ELOVL6: variants seen among roughly 807,000 people sequenced by gnomAD.
ELOVL6 encodes the protein very long chain fatty acid elongase 6.
In ELOVL6, 8 loss-of-function variants were observed where a neutral mutation model predicts 31.7. The observed-to-expected ratio is 0.25, with a 90% CI of 0.15 to 0.45. The LOEUF (loss-of-function observed/expected upper bound fraction) is 0.45, where lower values mean the gene tolerates loss of function less well. Ranked by LOEUF, ELOVL6 falls within the 20% of genes least tolerant of loss-of-function variation. The pLI is 1.00. For synonymous variants in ELOVL6, 101 were observed against 117.7 expected (o/e 0.86, Z 0.92); for missense variants, 126 against 326.4 (o/e 0.39, Z 4.73).
At chr4:110,104,973 A>G (rs549705974) in intron 2 of ELOVL6, among the ~76,000 whole-genome samples, 7 of 152,332 alleles carry the variant, frequency 4.6e-5, no homozygotes, top group African/African-American at 1.7e-4. Context: ...CATGTCTGCA[A>G]GTCAGTTCGG....
chr4:110,058,769 T>C (rs937126451), intron 3 of ELOVL6, among the ~76,000 whole-genome samples: 2 of 152,140 alleles, frequency 1.3e-5, no homozygotes, highest in African/African-American at 4.8e-5. Context: ...TAATTCTTAA[T>C]TGCAGGTGAA....
In ELOVL6 at chr4:110,188,433, G is replaced by T. The variant is rs1466675770; in HGVS notation, c.89+9814C>A. ...AATAAGAGGATGATTGGGGCCTTGT[G>T]ACACACCCCTCATCATCACACCAGC... On this transcript the variant is annotated intron_variant, in intron 1 of 3. Transcript: ENST00000302274. Among the ~76,000 whole-genome samples, 6 of 151,970 alleles carry T rather than the reference G, an allele frequency of 3.9e-5. No individual in the cohort carries two copies. The East Asian group carries it at 1.2e-3, about 29-fold the overall frequency.
At position 110,084,238 on chromosome 4, in the gene ELOVL6, T is replaced by TATAAC. The variant is rs1412482333; in HGVS notation, c.221+21258_221+21259insGTTAT. Among the ~76,000 whole-genome samples, 4 of 114,192 alleles carry TATAAC rather than the reference T, an allele frequency of 3.5e-5. No individual in the cohort carries two copies. The Admixed American group carries it at 4.1e-4, about 12-fold the overall frequency. The allele number at this position is 114,192 out of a possible 152,430, so 74.9% of individuals were successfully genotyped here. On this transcript the variant is annotated intron_variant, in intron 2 of 3. Coordinates refer to ENST00000302274, the MANE Select transcript of ELOVL6 (RefSeq NM_024090.3). Reference sequence around the variant, plus strand: ...TATAACTTATATGATATATATAACATATATGATATATATAACATATAGCTT... The same window carrying TATAAC: ...TATAACTTATATGATATATATAACATATAACATATGATATATATAACATATAGCTT...
intron 1 of ELOVL6, among the ~76,000 whole-genome samples, chr4:110,159,987 T>A (rs1015558874): frequency 6.6e-6 from 1 of 152,208 alleles, no homozygotes; most frequent in Non-Finnish European, 1.5e-5. Flanking sequence ...ATATTTTTCT[T>A]ATGGATTGGT....
intron 1 of ELOVL6, among the ~76,000 whole-genome samples, chr4:110,163,509 C>A (rs1211155205): frequency 6.6e-6 from 1 of 152,196 alleles, no homozygotes; most frequent in Non-Finnish European, 1.5e-5. Context: ...AATAAATATT[C>A]ATCAAACTGA....
chr4:110,091,865 G>A (rs1053582938), intron 2 of ELOVL6, among the ~76,000 whole-genome samples: 1 of 152,196 alleles, frequency 6.6e-6, no homozygotes, highest in African/African-American at 2.4e-5. Flanking sequence ...AAGGAATGAA[G>A]TATTATGCCC....
At chr4:110,133,279 T>G (rs1757721546) in intron 1 of ELOVL6, among the ~76,000 whole-genome samples, 1 of 152,142 alleles carries the variant, frequency 6.6e-6, no homozygotes, top group Non-Finnish European at 1.5e-5. Context: ...AATCAGGGCC[T>G]AATGAGTCTG....
intron 2 of ELOVL6, among the ~76,000 whole-genome samples, chr4:110,090,983 A>G (rs926378403): frequency 3.3e-5 from 5 of 152,228 alleles, no homozygotes; most frequent in African/African-American, 1.2e-4. Flanking sequence ...CATAGGAAGA[A>G]ATACAGAAGG....
intron 2 of ELOVL6, among the ~76,000 whole-genome samples, chr4:110,084,562 A>ATATATATATT (rs1432489981): frequency 2.3e-5 from 1 of 44,272 alleles, no homozygotes; most frequent in Non-Finnish European, 3.5e-5. Context: ...ACACACACAC[A>ATATATATATT]GATATATATA....
rs184316246 is a variant in ELOVL6, at chr4:110,073,689, C to T, written c.222-13935G>A. 3.3e-5 allele frequency among the ~76,000 whole-genome samples: 5 copies of T among 152,230 alleles called. No homozygotes were observed. In the East Asian group the frequency reaches 7.8e-4, roughly 24 times the overall value. On this transcript the variant is annotated intron_variant, in intron 2 of 3. Transcript: ENST00000302274. ...TAAGCATTGAGGAACAAGGAAAATT[C>T]CTTCCACCGCTGCCCCTGACCTCAC...
intron 1 of ELOVL6, among the ~76,000 whole-genome samples, chr4:110,127,421 A>G (rs1044430007): frequency 6.8e-6 from 1 of 147,034 alleles, no homozygotes; most frequent in Non-Finnish European, 1.5e-5. Context: ...AAAAAAAAAA[A>G]AAAAGAAAAG....
intron 1 of ELOVL6, among the ~76,000 whole-genome samples, chr4:110,126,827 G>T (rs906587953): frequency 6.6e-6 from 1 of 152,100 alleles, no homozygotes; most frequent in African/African-American, 2.4e-5. Context: ...TTATCATGAT[G>T]ATTTAGCTAC....
intron 2 of ELOVL6, among the ~76,000 whole-genome samples, chr4:110,070,693 G>C (rs1755447516): frequency 6.6e-6 from 1 of 152,098 alleles, no homozygotes; most frequent in Non-Finnish European, 1.5e-5. Flanking sequence ...GTGATAGTGA[G>C]TGAGTCCTCA....
intron 1 of ELOVL6, among the ~76,000 whole-genome samples, chr4:110,143,248 C>T (rs1395391194): frequency 6.6e-6 from 1 of 151,830 alleles, no homozygotes; most frequent in Non-Finnish European, 1.5e-5. Context: ...GAGATTTTCA[C>T]ACAAATTAGA....
intron 1 of ELOVL6, among the ~76,000 whole-genome samples, chr4:110,190,360 C>T (rs1386131682): frequency 2.0e-5 from 3 of 152,118 alleles, no homozygotes; most frequent in African/African-American, 7.2e-5. Context: ...AACTAAAAGT[C>T]GCAAACACTC....
At chr4:110,086,332 T>C (rs1756262938) in intron 2 of ELOVL6, among the ~76,000 whole-genome samples, 1 of 152,214 alleles carries the variant, frequency 6.6e-6, no homozygotes, top group Non-Finnish European at 1.5e-5. Context: ...TTGCATTTTA[T>C]GTGCATCTGA....
chr4:110,117,937 G>A (rs1171722146), intron 1 of ELOVL6: 1 of 58,528 alleles, frequency 1.7e-5, no homozygotes, highest in African/African-American at 5.7e-5. Context: ...TCCCCAGAGA[G>A]GAGAAAAAGG....
intron 2 of ELOVL6, among the ~76,000 whole-genome samples, chr4:110,067,941 A>C (rs1755353484): frequency 6.6e-6 from 1 of 152,220 alleles, no homozygotes; most frequent in African/African-American, 2.4e-5. Context: ...TAATTTAAAA[A>C]AATGATACCT....
chr4:110,178,478 G>A (rs771632764), intron 1 of ELOVL6, among the ~76,000 whole-genome samples: 7 of 151,798 alleles, frequency 4.6e-5, no homozygotes, highest in African/African-American at 7.3e-5. Flanking sequence ...GGAGGTGAAG[G>A]TTGCAGTGAG....
Sources: gnomAD v4.1 joint callset for allele counts (sites outside exome capture counted in the v4.1 genomes callset) on GRCh38, gnomAD v4.1.1 for gene constraint, MANE v1.5 for transcripts, NCBI Gene and HGNC (gene_info 2026-07-23, HGNC 2026-07-21) for gene names.